Variants in ZNF394 observed in about 807,000 individuals in gnomAD.
ZNF394 encodes zinc finger protein 99.
ZNF394 carries 19 observed loss-of-function variants against 21.8 expected under a neutral mutation model. That is an observed-to-expected ratio of 0.87 (90% CI 0.61 to 1.28). The LOEUF (loss-of-function observed/expected upper bound fraction) is 1.28, where lower values mean the gene tolerates loss of function less well. Ranked by LOEUF, ZNF394 falls within the 50% of genes most tolerant of loss-of-function variation. ZNF394 has a pLI of 0.00. For missense variants in ZNF394, 683 were observed against 708.6 expected, an observed-to-expected ratio of 0.96 and a Z score of 0.41; for synonymous variants, 294 against 273.3, an observed-to-expected ratio of 1.08 and a Z score of -0.75.
rs1282262659 is a variant in ZNF394, at chr7:99,498,751, C to T, written c.548G>A (p.Ser183Asn). The change falls in exon 2 of 3, where the codon AGT (serine) becomes AAT (asparagine). Residue 183 changes from serine (S) to asparagine (N), a missense_variant. Around this residue, in one of 3 missense-constraint regions of ZNF394, gnomAD observed 402 missense variants for 373.8 expected, o/e 1.08. Coordinates refer to ENST00000337673, the MANE Select transcript of ZNF394 (RefSeq NM_032164.4). Reference sequence around the variant, plus strand: ...TGTGCTCCCGGAATCCTTCTGCGCACTCTCTCTGCAGAAGTCCCTCCGTGC... The same window carrying T: ...TGTGCTCCCGGAATCCTTCTGCGCATTCTCTCTGCAGAAGTCCCTCCGTGC... ...DPARRDFCRE[S>N]AQKDSGSTVP... 1 of 1,614,124 alleles carries T rather than the reference C, an allele frequency of 6.2e-7. No individual in the cohort carries two copies. The highest frequency in any genetic ancestry group is 8.5e-7 in the Non-Finnish European group (1 of 1,180,004).
At position 99,493,733 on chromosome 7, in the gene ZNF394, C is replaced by T. The variant is rs751929204; in HGVS notation, c.1482G>A (p.Glu494=). 6.2e-7 allele frequency: 1 copy of T among 1,614,182 alleles called. No individual in the cohort carries two copies. The highest frequency in any genetic ancestry group is 8.5e-7 in the Non-Finnish European group (1 of 1,180,026). ...CACAGACGGAACATCCATAGGGCTT[C>T]TCCCCAGTGTGGATTCTGTGGTGTT... ...LFKHHRIHTG[E]KPYGCSVCGK... is the part of the protein sequence containing the mutation. The change falls in exon 3 of 3, where the codon GAG becomes GAA. Residue 494 remains glutamate (E), a synonymous_variant. Transcript: ENST00000337673.
At position 99,500,258 on chromosome 7, in the gene ZNF394, T is replaced by C. The variant is rs1295873822; in HGVS notation, c.-165A>G. ...CTTTCCTCAGCTTTGCGCCTACAAC[T>C]CTCTCGGTCAAACAACCGAAAACAT... is the stretch of plus-strand genomic sequence containing the variant. On this transcript the variant is annotated 5_prime_UTR_variant, in exon 1 of 3. Coordinates refer to ENST00000337673, the MANE Select transcript of ZNF394 (RefSeq NM_032164.4). 2 of 606,014 alleles carry C rather than the reference T, an allele frequency of 3.3e-6. No individual in the cohort carries two copies. Among genetic ancestry groups the C allele is most frequent in the African/African-American group, 1.9e-5 (1 of 52,314 alleles). The allele number at this position is 606,014 out of a possible 1,614,324, so 37.5% of individuals were successfully genotyped here. A position where few individuals can be genotyped will look rare whatever the true frequency, so the allele number is the denominator to read the frequency against.
rs1437074765 is a variant in ZNF394 at position 99,497,132 on chromosome 7, A to G, written c.583+1584T>C. On this transcript the variant is annotated intron_variant, in intron 2 of 2. Coordinates refer to ENST00000337673, the MANE Select transcript of ZNF394 (RefSeq NM_032164.4). ...TGTGTGTGTGTGTGTGTATATATAT[A>G]TATATATATGTATATATATATATAA... Among the ~76,000 whole-genome samples the G allele has an allele frequency of 2.5e-3, 317 of 127,870 alleles. 1 individual carries two copies. Among genetic ancestry groups the G allele is most frequent in the African/African-American group, 0.011 (277 of 26,248 alleles). 83.9% of individuals were successfully genotyped at this position (127,870 alleles called of 152,430 possible).
At chr7:99,492,243 A>G (rs1025341513), downstream of ZNF394, among the ~76,000 whole-genome samples, 2 of 152,190 alleles carry the variant, frequency 1.3e-5, no homozygotes, top group African/African-American at 4.8e-5. Flanking sequence ...ATTATGAAGT[A>G]GTTGAAACCC....
chr7:99,493,641 T>C lies in ZNF394; in HGVS notation c.1574A>G (p.Tyr525Cys). The C allele has an allele frequency of 6.2e-7, 1 of 1,614,236 alleles. No homozygotes were observed. The highest frequency in any genetic ancestry group is 8.5e-7 in the Non-Finnish European group (1 of 1,180,038). ...TCTTTCCCCACATTCAAGACATTTG[T>C]AAGGCTTTTCCCCAGTGTGAATTCT... Reference protein sequence around the residue: ...HQRIHTGEKPYKCLECGERFR... With the variant: ...HQRIHTGEKPCKCLECGERFR... Residue 525 changes from tyrosine to cysteine, a missense_variant, in exon 3 of 3, where the codon TAC becomes TGC. By Grantham distance (194) the Tyr-to-Cys change is radical. Coordinates refer to ENST00000337673, the MANE Select transcript of ZNF394 (RefSeq NM_032164.4).
chr7:99,487,443 C>G, intron 1 of ZNF394: 2 of 1,614,164 alleles, frequency 1.2e-6, no homozygotes, highest in Non-Finnish European at 1.7e-6. Context: ...GGCACACAAG[C>G]TTTATTAAGC....
intron 1 of ZNF394, chr7:99,487,674 T>C (rs898386978): frequency 3.1e-6 from 2 of 637,516 alleles, no homozygotes; most frequent in African/African-American, 1.8e-5. Context: ...GGCAACACAG[T>C]GAGATCCCAT....
Position 99,499,903 on chromosome 7 carries a change from C to T in ZNF394, c.191G>A (p.Arg64Gln). The T allele has an allele frequency of 6.2e-7, 1 of 1,614,120 alleles. No homozygotes were observed. The change falls in exon 1 of 3, where the codon CGA becomes CAA. Residue 64 changes from arginine (R) to glutamine (Q), a missense_variant. Coordinates refer to ENST00000337673, the MANE Select transcript of ZNF394 (RefSeq NM_032164.4). ...PAASPDPETS[R>Q]LHFRQLRYQE... Reference sequence around the variant, plus strand: ...GTAACGCAGCTGCCTAAAGTGCAGTCGAGAAGTTTCGGGGTCCGGCGAAGC... The same window carrying T: ...GTAACGCAGCTGCCTAAAGTGCAGTTGAGAAGTTTCGGGGTCCGGCGAAGC...
downstream of ZNF394, among the ~76,000 whole-genome samples, chr7:99,489,827 T>G (rs527939228): frequency 6.6e-6 from 1 of 152,050 alleles, no homozygotes; most frequent in East Asian, 1.9e-4. Context: ...CTAAACATCA[T>G]CCTATGTCTG....
At chr7:99,496,706 C>G (rs1040511230) in intron 2 of ZNF394, among the ~76,000 whole-genome samples, 2 of 152,054 alleles carry the variant, frequency 1.3e-5, no homozygotes, top group South Asian at 4.2e-4. Context: ...TGAGCTATCA[C>G]GCCCGGCCAA....
At chr7:99,490,624 CTT>C (rs35117471), downstream of ZNF394, among the ~76,000 whole-genome samples, 28 of 141,098 alleles carry the variant, frequency 2.0e-4, no homozygotes, top group African/African-American at 3.3e-4. Context: ...AAAGTGAGAC[CTT>C]TTTTTTTTTT....
chr7:99,495,478 A>T (rs966297122), intron 2 of ZNF394, among the ~76,000 whole-genome samples: 1 of 147,188 alleles, frequency 6.8e-6, no homozygotes, highest in Admixed American at 6.8e-5. Flanking sequence ...ACCCACCACC[A>T]CACCCGGCTA....
intron 1 of ZNF394, chr7:99,487,347 T>C (rs758605680): frequency 6.2e-7 from 1 of 1,614,190 alleles, no homozygotes; most frequent in Non-Finnish European, 8.5e-7. Context: ...AAACGTTTAG[T>C]TTTAAGAGGA....
downstream of ZNF394, among the ~76,000 whole-genome samples, chr7:99,490,303 T>C (rs1334991067): frequency 1.3e-5 from 2 of 151,848 alleles, no homozygotes; most frequent in Non-Finnish European, 2.9e-5. Flanking sequence ...TACAGGTGCC[T>C]GTCAGCATGC....
chr7:99,495,780 C>T (rs1800287520), intron 2 of ZNF394, among the ~76,000 whole-genome samples: 1 of 152,054 alleles, frequency 6.6e-6, no homozygotes, highest in African/African-American at 2.4e-5. Flanking sequence ...TGCCACCACA[C>T]CCGGCTAATT....
chr7:99,494,407 C>T lies in ZNF394; in HGVS notation c.808G>A (p.Val270Ile), dbSNP rs1800238307. The change falls in exon 3 of 3, where the codon GTC becomes ATC. Residue 270 changes from valine (V) to isoleucine (I), a missense_variant. Physicochemically the swap from Val to Ile is conservative, Grantham distance 29. This residue lies in a region of ZNF394 where 402 missense variants were observed against 373.8 expected (regional missense o/e 1.08). Transcript: ENST00000337673. ...EAEGLNSISD[V>I]NKNGSIEGED... ...CCTTCTATGGAACCATTCTTATTGA[C>T]ATCTGAGATGCTGTTGAGTCCTTCT... 4 of 1,614,040 alleles carry T rather than the reference C, an allele frequency of 2.5e-6. No individual in the cohort carries two copies. Among genetic ancestry groups the T allele is most frequent in the South Asian group, 2.2e-5 (2 of 91,092 alleles).
chr7:99,487,321 T>C, intron 1 of ZNF394: 3 of 1,614,230 alleles, frequency 1.9e-6, no homozygotes, highest in East Asian at 2.2e-5. Context: ...ATTCTTTCAA[T>C]GTGGAGAATG....
chr7:99,487,653 A>G (rs1248878294), intron 1 of ZNF394: 3 of 776,032 alleles, frequency 3.9e-6, no homozygotes, highest in Non-Finnish European at 5.9e-6. Context: ...TTAAAAGGAA[A>G]TGTTAGCTTG....
downstream of ZNF394, among the ~76,000 whole-genome samples, chr7:99,488,539 T>C (rs1800084216): frequency 6.6e-6 from 1 of 151,350 alleles, no homozygotes; most frequent in South Asian, 2.1e-4. Context: ...TTTCCTGTAT[T>C]ACATACAACT....
Sources: allele counts gnomAD v4.1 joint callset (sites outside exome capture counted in the v4.1 genomes callset), GRCh38; gene constraint gnomAD v4.1.1; regional missense constraint gnomAD v4.1.1; transcripts MANE v1.5; gene names NCBI Gene and HGNC (gene_info 2026-07-23, HGNC 2026-07-21).